GALNT10: variants seen among roughly 807,000 people sequenced by gnomAD.
GALNT10 encodes the protein GalNAc transferase 10.
GALNT10 carries 41 observed loss-of-function variants against 75.0 expected under a neutral mutation model. That is an observed-to-expected ratio of 0.55 (90% CI 0.43 to 0.71). GALNT10 has a LOEUF of 0.71. Among genes scored for constraint, GALNT10 ranks in the 30% least tolerant of loss-of-function variants. The pLI is 0.00. For synonymous variants in GALNT10, 302 were observed against 313.0 expected (o/e 0.96, Z 0.37); for missense variants, 727 against 818.5 (o/e 0.89, Z 1.36).
chr5:154,292,254 T>G (rs532166523), intron 1 of GALNT10, among the ~76,000 whole-genome samples: 1 of 152,314 alleles, frequency 6.6e-6, no homozygotes, highest in East Asian at 1.9e-4. Flanking sequence ...GAGAGCTTGC[T>G]AAAACACGGA....
intron 3 of GALNT10, among the ~76,000 whole-genome samples, chr5:154,321,079 A>G (rs1754665083): frequency 6.6e-6 from 1 of 152,184 alleles, no homozygotes; most frequent in South Asian, 2.1e-4. Flanking sequence ...TATACAGCGA[A>G]CACCCATGTT....
intron 1 of GALNT10, among the ~76,000 whole-genome samples, chr5:154,240,647 T>C (rs1753318602): frequency 6.6e-6 from 1 of 152,216 alleles, no homozygotes; most frequent in African/African-American, 2.4e-5. Flanking sequence ...ACAACCATTA[T>C]ATTTTGTGGC....
chr5:154,408,952 G>A (rs1756338909), intron 8 of GALNT10, among the ~76,000 whole-genome samples: 1 of 152,150 alleles, frequency 6.6e-6, no homozygotes. Flanking sequence ...CCTCCGCTCT[G>A]CTTCATTCTG....
chr5:154,251,704 G>A (rs1753525631), intron 1 of GALNT10, among the ~76,000 whole-genome samples: 1 of 152,004 alleles, frequency 6.6e-6, no homozygotes, highest in Non-Finnish European at 1.5e-5. Context: ...GCTCTCTGCT[G>A]CATTAAGATA....
chr5:154,401,014 G>A (rs1369996019), intron 7 of GALNT10, among the ~76,000 whole-genome samples: 2 of 152,164 alleles, frequency 1.3e-5, no homozygotes, highest in Non-Finnish European at 2.9e-5. Flanking sequence ...GCTGGGCAGG[G>A]AAGCCATGGA....
intron 3 of GALNT10, among the ~76,000 whole-genome samples, chr5:154,324,722 C>T (rs989059662): frequency 1.3e-5 from 2 of 152,094 alleles, no homozygotes; most frequent in East Asian, 1.9e-4. Flanking sequence ...CTGGGGTGGC[C>T]AGAGAATCCG....
intron 1 of GALNT10, among the ~76,000 whole-genome samples, chr5:154,287,890 CTGTGTGTGTG>C (rs61253851): frequency 6.9e-6 from 1 of 145,230 alleles, no homozygotes; most frequent in Non-Finnish European, 1.5e-5. Flanking sequence ...AATTGCTTTG[CTGTGTGTGTG>C]TGTGTGTGTG....
At chr5:154,373,874 A>T (rs557784346) in intron 4 of GALNT10, among the ~76,000 whole-genome samples, 7 of 152,216 alleles carry the variant, frequency 4.6e-5, no homozygotes, top group Admixed American at 4.6e-4. Context: ...ATTCGGGGTG[A>T]TTTAGCGATG....
chr5:154,274,331 T>A (rs1469306359), intron 1 of GALNT10, among the ~76,000 whole-genome samples: 1 of 152,184 alleles, frequency 6.6e-6, no homozygotes, highest in Non-Finnish European at 1.5e-5. Flanking sequence ...TGTAAGGTGA[T>A]AGAAAACCAT....
chr5:154,364,855 G>GA (rs756948150), intron 4 of GALNT10, among the ~76,000 whole-genome samples: 1 of 152,190 alleles, frequency 6.6e-6, no homozygotes, highest in Non-Finnish European at 1.5e-5. Flanking sequence ...CCAACTGGGT[G>GA]AAAAAGTGAA....
intron 1 of GALNT10, among the ~76,000 whole-genome samples, chr5:154,209,610 T>C (rs1448095210): frequency 1.3e-5 from 2 of 152,194 alleles, no homozygotes; most frequent in Non-Finnish European, 2.9e-5. Flanking sequence ...TGCTGTGTCC[T>C]CATGTGGCAG....
chr5:154,216,438 T>C (rs1460629556), intron 1 of GALNT10, among the ~76,000 whole-genome samples: 1 of 152,044 alleles, frequency 6.6e-6, no homozygotes, highest in Non-Finnish European at 1.5e-5. Context: ...TTAAAAAGAT[T>C]TTTTTTAGCA....
intron 1 of GALNT10, chr5:154,287,546 C>G (rs746345798): frequency 4.6e-5 from 7 of 152,022 alleles, no homozygotes; most frequent in Non-Finnish European, 1.0e-4. Context: ...TTGTAAATAT[C>G]TATCGAATTT....
At chr5:154,229,471 G>GTAATC (rs1753113419) in intron 1 of GALNT10, among the ~76,000 whole-genome samples, 1 of 152,244 alleles carries the variant, frequency 6.6e-6, no homozygotes, top group Non-Finnish European at 1.5e-5. Flanking sequence ...GCTCATGCCT[G>GTAATC]TAATCCCAGC....
At chr5:154,240,783 A>G (rs184803553) in intron 1 of GALNT10, among the ~76,000 whole-genome samples, 184 of 152,284 alleles carry the variant, frequency 1.2e-3, no homozygotes, top group African/African-American at 4.2e-3. Context: ...CACAAAACCA[A>G]TGAGAAGGTG....
At chr5:154,336,607 A>G (rs114720103) in intron 4 of GALNT10, among the ~76,000 whole-genome samples, 5 of 152,118 alleles carry the variant, frequency 3.3e-5, no homozygotes, top group Admixed American at 2.0e-4. Context: ...TTGTATGCCT[A>G]TCTGCCATTT....
chr5:154,315,053 C>T (rs1754576849), intron 3 of GALNT10, among the ~76,000 whole-genome samples: 1 of 151,908 alleles, frequency 6.6e-6, no homozygotes, highest in Non-Finnish European at 1.5e-5. Context: ...CCTGGAAGTC[C>T]AGGTTTCCAT....
chr5:154,224,226 G>A (rs567012448), intron 1 of GALNT10, among the ~76,000 whole-genome samples: 68 of 152,364 alleles, frequency 4.5e-4, no homozygotes, highest in African/African-American at 1.4e-3. Context: ...ACAGAGAACC[G>A]TTGGGGATCT....
chr5:154,247,256 T>G (rs1300686739), intron 1 of GALNT10, among the ~76,000 whole-genome samples: 3 of 152,216 alleles, frequency 2.0e-5, no homozygotes, highest in African/African-American at 7.2e-5. Flanking sequence ...TGCCTCCAGC[T>G]TTGTTCTTTT....
Sources: allele counts gnomAD v4.1 joint callset (sites outside exome capture counted in the v4.1 genomes callset), GRCh38; gene constraint gnomAD v4.1.1; transcripts MANE v1.5; gene names NCBI Gene and HGNC (gene_info 2026-07-23, HGNC 2026-07-21).